The following LOXL4 variants were observed in gnomAD, a reference collection of about 807,000 sequenced individuals.
LOXL4 encodes the protein lysyl oxidase homolog 4.
A neutral mutation model predicts 89.1 loss-of-function variants in LOXL4; 72 were observed. The observed-to-expected ratio is 0.81, with a 90% CI of 0.67 to 0.98. LOXL4 has a LOEUF of 0.98. Among genes scored for constraint, LOXL4 ranks in the 50% least tolerant of loss-of-function variants. The probability of loss-of-function intolerance (pLI) is 0.00; values close to 1 mark genes in which losing one functional copy is unlikely to be tolerated. For missense variants in LOXL4, 984 were observed against 1,017.5 expected (o/e 0.97, Z 0.45); for synonymous variants, 355 against 392.1 (o/e 0.91, Z 1.12).
At chr10:98,257,896 C>T (rs1317359307) in intron 7 of LOXL4, 85 bp downstream of exon 7, 2 of 1,580,100 alleles carry the variant, frequency 1.3e-6, no homozygotes, top group African/African-American at 2.7e-5. Context: ...AACTTTCTGT[C>T]CTGGCCCTGT....
chr10:98,264,444 GA>G lies in LOXL4; in HGVS notation c.-32-1394del, dbSNP rs1366939631. On this transcript the variant is annotated intron_variant, in intron 1 of 14. Transcript: ENST00000260702. ...AGTGTGGGGGTTTGGAGGGGAAAGA[GA>G]TGGAGGGACGAGCTGGGGCCAATGA... is the stretch of plus-strand genomic sequence containing the variant. 2.6e-5 allele frequency among the ~76,000 whole-genome samples: 4 copies of G among 151,288 alleles called. No individual in the cohort carries two copies. In the East Asian group the frequency reaches 7.8e-4, roughly 30 times the overall value.
chr10:98,261,228 G>C (rs1458909714), intron 3 of LOXL4, 101 bp from the exon 4 acceptor site: 2 of 1,263,602 alleles, frequency 1.6e-6, no homozygotes, highest in Non-Finnish European at 1.1e-6. Flanking sequence ...GGAGCTTTTC[G>C]AGACCATCCC....
At chr10:98,267,724 G>A (rs563022216) in intron 1 of LOXL4, among the ~76,000 whole-genome samples, 60 of 152,254 alleles carry the variant, frequency 3.9e-4, no homozygotes, top group African/African-American at 1.4e-3. Context: ...AATCAGCTCC[G>A]GTCTGGATAG....
At chr10:98,265,297 C>T (rs1194580075) in intron 1 of LOXL4, among the ~76,000 whole-genome samples, 1 of 152,086 alleles carries the variant, frequency 6.6e-6, no homozygotes, top group Non-Finnish European at 1.5e-5. Context: ...TAGTAACTAC[C>T]TCATAGGATT....
At position 98,261,976 on chromosome 10, in the gene LOXL4, G is replaced by A. The variant is rs73327617; in HGVS notation, c.456+59C>T. 4.0e-3 allele frequency: 5,971 copies of A among 1,500,648 alleles called. 222 individuals carry two copies. The African/African-American group carries it at 0.076, about 19-fold the overall frequency. 93.0% of individuals were successfully genotyped at this position (1,500,648 alleles called of 1,614,324 possible). A position where few individuals can be genotyped will look rare whatever the true frequency, so the allele number is the denominator to read the frequency against. Reference sequence around the variant, plus strand: ...TATCCTCTAGGCCCGTCTTCTGGGAGGCTCTCTGTTCTCTGACCCAGCCCT... The same window carrying A: ...TATCCTCTAGGCCCGTCTTCTGGGAAGCTCTCTGTTCTCTGACCCAGCCCT... On this transcript the variant is annotated intron_variant, in intron 3 of 14. Transcript: ENST00000260702.
chr10:98,267,533 A>T (rs1291866576), intron 1 of LOXL4, among the ~76,000 whole-genome samples: 2 of 152,156 alleles, frequency 1.3e-5, no homozygotes, highest in East Asian at 3.9e-4. Flanking sequence ...GCCGTTGGGC[A>T]GCTCTTCTCA....
Position 98,255,993 on chromosome 10 carries a change from CT to C in LOXL4, c.1429-255del, listed in dbSNP as rs1858351135. On this transcript the variant is annotated intron_variant, in intron 9 of 14. Transcript: ENST00000260702. Reference sequence around the variant, plus strand: ...GGCTTCCACTACTGGCCCTACACCCCTCTCTCTTCCAGATGGCAGAGGAGGG... The same window carrying C: ...GGCTTCCACTACTGGCCCTACACCCCCTCTCTTCCAGATGGCAGAGGAGGG... The C allele has an allele frequency of 7.2e-6, 3 of 416,864 alleles. No individual in the cohort carries two copies. The East Asian group carries it at 1.2e-4, about 17-fold the overall frequency. The allele number at this position is 416,864 out of a possible 1,614,324, so 25.8% of individuals were successfully genotyped here.
At chr10:98,264,682 A>G (rs1050950203) in intron 1 of LOXL4, among the ~76,000 whole-genome samples, 7 of 152,066 alleles carry the variant, frequency 4.6e-5, no homozygotes, top group Non-Finnish European at 1.0e-4. Flanking sequence ...CAGGTGGAGA[A>G]GGGCATAGAG....
At chr10:98,264,620 G>A (rs753424260) in intron 1 of LOXL4, among the ~76,000 whole-genome samples, 10 of 151,966 alleles carry the variant, frequency 6.6e-5, no homozygotes, top group Non-Finnish European at 1.3e-4. Context: ...AGGGGATGAG[G>A]CTGGGGGCAG....
intron 7 of LOXL4, 50 bp downstream of exon 7, chr10:98,257,931 A>G (rs777649371): frequency 1.2e-6 from 2 of 1,600,740 alleles, no homozygotes; most frequent in Admixed American, 1.7e-5. Flanking sequence ...CAAGACATGG[A>G]CCAGTGGCAT....
In LOXL4 at chr10:98,248,835, T is replaced by C. The variant is rs1564754009; in HGVS notation, c.*86A>G. On this transcript the variant is annotated 3_prime_UTR_variant, in exon 15 of 15. Coordinates refer to ENST00000260702, the MANE Select transcript of LOXL4 (RefSeq NM_032211.7). ...CCCCTTGGCACTGGCCCTTTTCCTC[T>C]GAGTTGGGACTCTGTGAAGGGCATG... is the stretch of plus-strand genomic sequence containing the variant. 1.6e-6 allele frequency: 2 copies of C among 1,278,806 alleles called. No homozygotes were observed. The highest frequency in any genetic ancestry group is 2.9e-5 in the African/African-American group (2 of 68,344). The allele number at this position is 1,278,806 out of a possible 1,614,324, so 79.2% of individuals were successfully genotyped here. A position where few individuals can be genotyped will look rare whatever the true frequency, so the allele number is the denominator to read the frequency against.
chr10:98,265,121 G>T (rs768748335), intron 1 of LOXL4, among the ~76,000 whole-genome samples: 1 of 152,210 alleles, frequency 6.6e-6, no homozygotes, highest in African/African-American at 2.4e-5. Context: ...CATATCTGTG[G>T]TTGCATGGAT....
In LOXL4 at chr10:98,248,121, CATATT is replaced by C. The variant is rs1462461714; in HGVS notation, c.*795_*799del. The C allele has an allele frequency of 6.6e-6, 1 of 152,208 alleles. No homozygotes were observed. Among genetic ancestry groups the C allele is most frequent in the Non-Finnish European group, 1.5e-5 (1 of 68,066 alleles). 9.4% of individuals were successfully genotyped at this position (152,208 alleles called of 1,614,324 possible). On this transcript the variant is annotated 3_prime_UTR_variant, in exon 15 of 15. Coordinates refer to ENST00000260702, the MANE Select transcript of LOXL4 (RefSeq NM_032211.7). ...CAGACTGCCTGCCAGGTAAATGGTC[CATATT>C]ATTTCCTTGGCAGAGGCCCTGACAG...
chr10:98,266,585 C>T (rs757033844), intron 1 of LOXL4, among the ~76,000 whole-genome samples: 1 of 152,124 alleles, frequency 6.6e-6, no homozygotes, highest in Non-Finnish European at 1.5e-5. Context: ...CTTCCATGAA[C>T]GCTGCTGGAA....
intron 14 of LOXL4, 108 bp downstream of exon 14, chr10:98,250,957 C>CCA: frequency 1.3e-6 from 1 of 768,582 alleles, no homozygotes; most frequent in Non-Finnish European, 2.2e-6. Context: ...CTTTTGCACA[C>CCA]CACACACATA....
Position 98,248,903 on chromosome 10 carries a change from G to C in LOXL4, c.*18C>G. On this transcript the variant is annotated 3_prime_UTR_variant, in exon 15 of 15. Transcript: ENST00000260702. ...TATCTGGTGTATCGGCAGCAGCTAG[G>C]AGTGTGCAGTGACAGCTTCAGATGA... 1 of 1,606,788 alleles carries C rather than the reference G, an allele frequency of 6.2e-7. No individual in the cohort carries two copies. The highest frequency in any genetic ancestry group is 8.5e-7 in the Non-Finnish European group (1 of 1,174,554).
chr10:98,257,059 A>AGTCCCCTTCTCTGCCTTG, intron 8 of LOXL4, 112 bp from the exon 9 acceptor site: 1 of 1,285,412 alleles, frequency 7.8e-7, no homozygotes, highest in Non-Finnish European at 1.1e-6. Flanking sequence ...TAGACAAGAC[A>AGTCCCCTTCTCTGCCTTG]GTCCCCTTCT....
At chr10:98,259,652 C>T (rs999319034) in intron 4 of LOXL4, among the ~76,000 whole-genome samples, 6 of 152,200 alleles carry the variant, frequency 3.9e-5, no homozygotes, top group African/African-American at 1.2e-4. Flanking sequence ...TCGGCCAGTC[C>T]TAGAGTGGGG....
Position 98,268,178 on chromosome 10 carries a change from G to C in LOXL4, c.-79C>G, listed in dbSNP as rs1485108713. The C allele has an allele frequency of 4.6e-5, 7 of 151,586 alleles. No individual in the cohort carries two copies. Among genetic ancestry groups the C allele is most frequent in the African/African-American group, 1.7e-4 (7 of 41,290 alleles). The allele number at this position is 151,586 out of a possible 1,614,324, so 9.4% of individuals were successfully genotyped here. A position where few individuals can be genotyped will look rare whatever the true frequency, so the allele number is the denominator to read the frequency against. ...GGGGCTGGGCGGGCGCCGCGGCGGA[G>C]CAGCGCTAACGGGCTCCCTCCCCGG... On this transcript the variant is annotated 5_prime_UTR_variant, in exon 1 of 15. Coordinates refer to ENST00000260702, the MANE Select transcript of LOXL4 (RefSeq NM_032211.7).
Sources: allele counts gnomAD v4.1 joint callset (sites outside exome capture counted in the v4.1 genomes callset), GRCh38; gene constraint gnomAD v4.1.1; transcripts MANE v1.5; gene names NCBI Gene and HGNC (gene_info 2026-07-23, HGNC 2026-07-21).